SPSB1: variants seen among roughly 807,000 people sequenced by gnomAD.
SPSB1 encodes the protein splA/ryanodine receptor domain and SOCS box containing 1.
In SPSB1, 8 loss-of-function variants were observed where a neutral mutation model predicts 21.2. That is an observed-to-expected ratio of 0.38 (90% CI 0.22 to 0.68). The LOEUF is 0.68. Ranked by LOEUF, SPSB1 falls within the 30% of genes least tolerant of loss-of-function variation. The pLI is 0.53. For synonymous variants in SPSB1, 169 were observed against 161.7 expected (o/e 1.05, Z -0.34); for missense variants, 242 against 377.8 (o/e 0.64, Z 2.98).
Position 9,292,912 on chromosome 1 carries a change from G to C in SPSB1, c.-309G>C. 5.1e-6 allele frequency: 5 copies of C among 982,490 alleles called. No individual in the cohort carries two copies. Among genetic ancestry groups the C allele is most frequent in the Non-Finnish European group, 6.0e-6 (5 of 829,044 alleles). 60.9% of individuals were successfully genotyped at this position (982,490 alleles called of 1,614,324 possible). A position where few individuals can be genotyped will look rare whatever the true frequency, so the allele number is the denominator to read the frequency against. ...CTCCTCCGCACAGAAGTCGCGCTCG[G>C]GCAGCCTGCGCGCTCGCAGCAGGAA... is the stretch of plus-strand genomic sequence containing the variant. On this transcript the variant is annotated 5_prime_UTR_variant, in exon 1 of 3. Transcript: ENST00000328089.
chr1:9,293,102 T>G lies in SPSB1; in HGVS notation c.-150+31T>G. ...CGGCGCGGGGCACCTGGGACCCCGA[T>G]GGGTGGGCGACCGGCCCGGGAGGGG... On this transcript the variant is annotated intron_variant, in intron 1 of 2. Coordinates refer to ENST00000328089, the MANE Select transcript of SPSB1 (RefSeq NM_025106.4). The surrounding 1 kb of genome is among the most constrained non-coding windows in gnomAD (Gnocchi z 5.1). 1 of 973,508 alleles carries G rather than the reference T, an allele frequency of 1.0e-6. No homozygotes were observed. The highest frequency in any genetic ancestry group is 1.2e-6 in the Non-Finnish European group (1 of 823,166). The allele number at this position is 973,508 out of a possible 1,614,324, so 60.3% of individuals were successfully genotyped here. A position where few individuals can be genotyped will look rare whatever the true frequency, so the allele number is the denominator to read the frequency against.
chr1:9,351,336 T>C (rs1640255679), intron 1 of SPSB1: 1 of 152,296 alleles, frequency 6.6e-6, no homozygotes, highest in South Asian at 2.1e-4. Context: ...TAGGGCCAGA[T>C]GTGGTGACCA....
rs543057884 is a variant in SPSB1 at position 9,328,152 on chromosome 1, A to T, written c.-149-27591A>T. 3.9e-3 allele frequency among the ~76,000 whole-genome samples: 589 copies of T among 152,308 alleles called. 6 individuals are homozygous for T. The highest frequency in any genetic ancestry group is 3.4e-3 in the Middle Eastern group (1 of 294). ...GCCACACACCTTTACACCCCCTCCTATAGAGCCAGACGAACGTGGCTGTGT... is the reference window on the plus strand; with the variant it reads ...GCCACACACCTTTACACCCCCTCCTTTAGAGCCAGACGAACGTGGCTGTGT... On this transcript the variant is annotated intron_variant, in intron 1 of 2. Coordinates refer to ENST00000328089, the MANE Select transcript of SPSB1 (RefSeq NM_025106.4).
intron 1 of SPSB1, among the ~76,000 whole-genome samples, chr1:9,304,464 A>AGAG (rs1639381213): frequency 2.6e-5 from 4 of 152,202 alleles, no homozygotes; most frequent in African/African-American, 9.7e-5. Flanking sequence ...GGTCGCCTTA[A>AGAG]GAATCTGGTG....
chr1:9,363,796 G>T lies in SPSB1; in HGVS notation c.695-3652G>T, dbSNP rs1445641378. On this transcript the variant is annotated intron_variant, in intron 2 of 2. Coordinates refer to ENST00000328089, the MANE Select transcript of SPSB1 (RefSeq NM_025106.4). This position sits in a 1 kb window ranked among gnomAD's most constrained non-coding sequence, Gnocchi z 4.5. ...CTCACTGCAAACCTCTGCCTCCCAGGTTCAAGCAATCCTCCTGCCTCAAAC... is the reference window on the plus strand; with the variant it reads ...CTCACTGCAAACCTCTGCCTCCCAGTTTCAAGCAATCCTCCTGCCTCAAAC... Among the ~76,000 whole-genome samples the T allele has an allele frequency of 6.6e-6, 1 of 152,042 alleles. No individual in the cohort carries two copies. The highest frequency in any genetic ancestry group is 1.9e-4 in the East Asian group (1 of 5,198).
chr1:9,338,009 G>A (rs966827825), intron 1 of SPSB1, among the ~76,000 whole-genome samples: 1 of 152,240 alleles, frequency 6.6e-6, no homozygotes, highest in African/African-American at 2.4e-5. Flanking sequence ...AAAAGGCAGG[G>A]ATGGAGATGT....
At chr1:9,365,190 C>T (rs1425538751) in intron 2 of SPSB1, among the ~76,000 whole-genome samples, 1 of 152,088 alleles carries the variant, frequency 6.6e-6, no homozygotes, top group Non-Finnish European at 1.5e-5. Context: ...CTCTGTTACG[C>T]AGGCTGGAAT....
In SPSB1 at chr1:9,305,607, C is replaced by T. The variant is rs1569571595; in HGVS notation, c.-150+12536C>T. ...GTGGGTGCTGGGGGTGGGGACTCCC[C>T]GTCACGGAACTAAACTGCCAGGTGT... On this transcript the variant is annotated intron_variant, in intron 1 of 2. Transcript: ENST00000328089. This position sits in a 1 kb window ranked among gnomAD's most constrained non-coding sequence, Gnocchi z 4.8. 1.3e-5 allele frequency among the ~76,000 whole-genome samples: 2 copies of T among 152,162 alleles called. No individual in the cohort carries two copies. The highest frequency in any genetic ancestry group is 2.9e-5 in the Non-Finnish European group (2 of 68,034).
At chr1:9,355,349 C>A (rs1382165462) in intron 1 of SPSB1, among the ~76,000 whole-genome samples, 1 of 152,242 alleles carries the variant, frequency 6.6e-6, no homozygotes, top group East Asian at 1.9e-4. Flanking sequence ...GGCCATGCAC[C>A]TCCCTCTGTT....
At chr1:9,339,293 G>A in intron 1 of SPSB1, 1 of 985,400 alleles carries the variant, frequency 1.0e-6, no homozygotes. Context: ...CCCTGAGAAT[G>A]CTCACTGGCC....
intron 1 of SPSB1, among the ~76,000 whole-genome samples, chr1:9,353,427 G>C (rs887560371): frequency 2.0e-5 from 3 of 152,182 alleles, no homozygotes; most frequent in African/African-American, 7.2e-5. Context: ...CAGGAGAGGA[G>C]ATGGAACTAA....
chr1:9,319,164 G>C (rs1395851942), intron 1 of SPSB1, among the ~76,000 whole-genome samples: 1 of 152,160 alleles, frequency 6.6e-6, no homozygotes, highest in African/African-American at 2.4e-5. Context: ...CTGGGCAACA[G>C]AGTGAGACTC....
intron 1 of SPSB1, among the ~76,000 whole-genome samples, chr1:9,300,151 T>G (rs1218083344): frequency 6.6e-6 from 1 of 151,942 alleles, no homozygotes; most frequent in Admixed American, 6.6e-5. Context: ...TTTCTCGGGG[T>G]CCAGTAGTGT....
At chr1:9,353,301 C>T (rs986965471) in intron 1 of SPSB1, among the ~76,000 whole-genome samples, 1 of 152,098 alleles carries the variant, frequency 6.6e-6, no homozygotes, top group African/African-American at 2.4e-5. Context: ...ACACCCGCAC[C>T]ACACCAGACC....
At chr1:9,352,854 C>T (rs1205751491) in intron 1 of SPSB1, among the ~76,000 whole-genome samples, 5 of 149,690 alleles carry the variant, frequency 3.3e-5, no homozygotes, top group Non-Finnish European at 7.4e-5. Context: ...CCAGCCTCCT[C>T]CTCACTCTTC....
chr1:9,367,919 G>A lies in SPSB1; in HGVS notation c.*344G>A. The A allele has an allele frequency of 4.4e-6, 1 of 227,390 alleles. No homozygotes were observed. 14.1% of individuals were successfully genotyped at this position (227,390 alleles called of 1,614,324 possible). On this transcript the variant is annotated 3_prime_UTR_variant, in exon 3 of 3. Transcript: ENST00000328089. This position sits in a 1 kb window ranked among gnomAD's most constrained non-coding sequence, Gnocchi z 5.9. ...ACGGGTGCTTCCCACACCTCTGGGA[G>A]AAGGCTGCAGCCACCTGGGGGTCCC...
At position 9,305,627 on chromosome 1, in the gene SPSB1, A is replaced by G. The variant is rs1329208326; in HGVS notation, c.-150+12556A>G. ...CTCCCCGTCACGGAACTAAACTGCC[A>G]GGTGTTCCGTTCTCAGACCAGACTT... is the stretch of plus-strand genomic sequence containing the variant. On this transcript the variant is annotated intron_variant, in intron 1 of 2. Coordinates refer to ENST00000328089, the MANE Select transcript of SPSB1 (RefSeq NM_025106.4). This position sits in a 1 kb window ranked among gnomAD's most constrained non-coding sequence, Gnocchi z 4.8. Among the ~76,000 whole-genome samples the G allele has an allele frequency of 2.6e-5, 4 of 152,192 alleles. No homozygotes were observed. Among genetic ancestry groups the G allele is most frequent in the South Asian group, 2.1e-4 (1 of 4,822 alleles).
At chr1:9,361,162 T>TTTTTTTCTTTTTTTTC (rs1557467306) in intron 2 of SPSB1, among the ~76,000 whole-genome samples, 7 of 126,942 alleles carry the variant, frequency 5.5e-5, no homozygotes, top group African/African-American at 2.2e-4. Context: ...TTTTCTTTTT[T>TTTTTTTCTTTTTTTTC]TTTTTTTTTT....
chr1:9,326,840 T>G (rs1639823700), intron 1 of SPSB1, among the ~76,000 whole-genome samples: 1 of 152,142 alleles, frequency 6.6e-6, no homozygotes, highest in African/African-American at 2.4e-5. Flanking sequence ...TGCCTCTGAG[T>G]CAAAACACAA....
Sources: gnomAD v4.1 joint callset for allele counts (sites outside exome capture counted in the v4.1 genomes callset) on GRCh38, gnomAD v4.1.1 for gene constraint, Gnocchi (gnomAD v3.1) non-coding constraint, MANE v1.5 for transcripts, NCBI Gene and HGNC (gene_info 2026-07-23, HGNC 2026-07-21) for gene names.